The following AGPAT4 variants were observed in gnomAD, a reference collection of about 807,000 sequenced individuals.
AGPAT4 encodes 1-acylglycerol-3-phosphate O-acyltransferase 4.
AGPAT4 carries 15 observed loss-of-function variants against 48.0 expected under a neutral mutation model. That is an observed-to-expected ratio of 0.31 (90% CI 0.21 to 0.48). The LOEUF is 0.48. Among genes scored for constraint, AGPAT4 ranks in the 20% least tolerant of loss-of-function variants. The pLI is 0.99. For missense variants in AGPAT4, 314 were observed against 482.5 expected, an observed-to-expected ratio of 0.65 and a Z score of 3.27; for synonymous variants, 178 against 198.7, an observed-to-expected ratio of 0.90 and a Z score of 0.88.
intron 1 of AGPAT4, among the ~76,000 whole-genome samples, chr6:161,253,259 A>AT (rs1379304284): frequency 2.1e-5 from 3 of 141,178 alleles, no homozygotes; most frequent in African/African-American, 5.3e-5. Context: ...AACTTTTTTT[A>AT]ATTTTTTTTT....
At position 161,212,585 on chromosome 6, in the gene AGPAT4, T is replaced by C. The variant is rs1781548994; in HGVS notation, c.178+19451A>G. Among the ~76,000 whole-genome samples, 1 of 152,220 alleles carries C rather than the reference T, an allele frequency of 6.6e-6. No homozygotes were observed. The highest frequency in any genetic ancestry group is 1.5e-5 in the Non-Finnish European group (1 of 68,036). On this transcript the variant is annotated intron_variant, in intron 2 of 8. Coordinates refer to ENST00000320285, the MANE Select transcript of AGPAT4 (RefSeq NM_020133.3). This position sits in a 1 kb window ranked among gnomAD's most constrained non-coding sequence, Gnocchi z 6.1. ...TGTATAAATATGTTATTGGTATGTG[T>C]TCCAAAATCAGGGTAAACTCCTGTA...
intron 1 of AGPAT4, among the ~76,000 whole-genome samples, chr6:161,252,685 C>A (rs1247869599): frequency 2.0e-5 from 3 of 151,794 alleles, no homozygotes; most frequent in African/African-American, 7.3e-5. Flanking sequence ...TGGTGCACAT[C>A]TGTGGTCCCA....
chr6:161,148,747 T>TTG lies in AGPAT4; in HGVS notation c.767+439_767+440insCA, dbSNP rs1486755472. On this transcript the variant is annotated intron_variant, in intron 6 of 8. Transcript: ENST00000320285. This position sits in a 1 kb window ranked among gnomAD's most constrained non-coding sequence, Gnocchi z 5.5. ...GTTTGACTAATATGTTCTGGAAGTG[T>TTG]CTTCAATAAAATCATTAATAGCCTG... 6.6e-6 allele frequency among the ~76,000 whole-genome samples: 1 copy of TTG among 152,168 alleles called. No homozygotes were observed. Among genetic ancestry groups the TTG allele is most frequent in the Non-Finnish European group, 1.5e-5 (1 of 68,020 alleles).
chr6:161,190,913 G>A (rs1361922028), intron 2 of AGPAT4, among the ~76,000 whole-genome samples: 1 of 152,132 alleles, frequency 6.6e-6, no homozygotes, highest in Non-Finnish European at 1.5e-5. Flanking sequence ...TTTGTTCTTT[G>A]TTCCCAATAA....
intron 1 of AGPAT4, among the ~76,000 whole-genome samples, chr6:161,273,451 A>G (rs1783488897): frequency 6.6e-6 from 1 of 152,156 alleles, no homozygotes; most frequent in Non-Finnish European, 1.5e-5. Flanking sequence ...AAATAAATCA[A>G]TGTATATCGG....
Position 161,216,671 on chromosome 6 carries a change from C to A in AGPAT4, c.178+15365G>T, listed in dbSNP as rs925772615. Among the ~76,000 whole-genome samples, 5 of 152,212 alleles carry A rather than the reference C, an allele frequency of 3.3e-5. No homozygotes were observed. The highest frequency in any genetic ancestry group is 1.2e-4 in the African/African-American group (5 of 41,462). On this transcript the variant is annotated intron_variant, in intron 2 of 8. Transcript: ENST00000320285. The surrounding 1 kb of genome is among the most constrained non-coding windows in gnomAD (Gnocchi z 4.8). ...TAATTGGACTTACAGTTCCACATGGCTGAGGAGTTCTCACAATCATGGTGG... is the reference window on the plus strand; with the variant it reads ...TAATTGGACTTACAGTTCCACATGGATGAGGAGTTCTCACAATCATGGTGG...
chr6:161,201,794 T>C lies in AGPAT4; in HGVS notation c.178+30242A>G, dbSNP rs1334839403. ...TCTTAAGATACATTGGCTCTCTTCA[T>C]TCTCTAACCAGTGCAAGAGGAAGTC... On this transcript the variant is annotated intron_variant, in intron 2 of 8. Transcript: ENST00000320285. This position sits in a 1 kb window ranked among gnomAD's most constrained non-coding sequence, Gnocchi z 6.0. Among the ~76,000 whole-genome samples the C allele has an allele frequency of 6.6e-6, 1 of 152,216 alleles. No individual in the cohort carries two copies. The highest frequency in any genetic ancestry group is 1.5e-5 in the Non-Finnish European group (1 of 68,040).
At position 161,226,465 on chromosome 6, in the gene AGPAT4, C is replaced by T. The variant is rs964906379; in HGVS notation, c.178+5571G>A. On this transcript the variant is annotated intron_variant, in intron 2 of 8. Transcript: ENST00000320285. This position sits in a 1 kb window ranked among gnomAD's most constrained non-coding sequence, Gnocchi z 6.3. ...GGGTTGGAAAAGCCACAGCGACACT[C>T]TCTTTGGGGGATCAACAGCTTTCTT... 2.6e-5 allele frequency among the ~76,000 whole-genome samples: 4 copies of T among 152,216 alleles called. No individual in the cohort carries two copies. Among genetic ancestry groups the T allele is most frequent in the Non-Finnish European group, 5.9e-5 (4 of 68,032 alleles).
rs910309334 is a variant in AGPAT4, at chr6:161,208,266, A to T, written c.178+23770T>A. Reference sequence around the variant, plus strand: ...CACTGTTACTAAAAGTAAGCTACTCAGTATTCAGAGACTCTCTCCAGATGC... The same window carrying T: ...CACTGTTACTAAAAGTAAGCTACTCTGTATTCAGAGACTCTCTCCAGATGC... On this transcript the variant is annotated intron_variant, in intron 2 of 8. Coordinates refer to ENST00000320285, the MANE Select transcript of AGPAT4 (RefSeq NM_020133.3). This position sits in a 1 kb window ranked among gnomAD's most constrained non-coding sequence, Gnocchi z 4.6. Among the ~76,000 whole-genome samples the T allele has an allele frequency of 1.3e-5, 2 of 152,210 alleles. No individual in the cohort carries two copies. The highest frequency in any genetic ancestry group is 2.4e-5 in the African/African-American group (1 of 41,460).
At position 161,141,139 on chromosome 6, in the gene AGPAT4, C is replaced by G. The variant is rs1276348285; in HGVS notation, c.844-1519G>C. The stretch of plus-strand genomic sequence containing the variant: ...GGCACTTTTAATAATAGTCCACACA[C>G]TAGGCCATTTTGGAAGGAGAACCCC... On this transcript the variant is annotated intron_variant, in intron 7 of 8. Transcript: ENST00000320285. The surrounding 1 kb of genome is among the most constrained non-coding windows in gnomAD (Gnocchi z 6.7). Among the ~76,000 whole-genome samples the G allele has an allele frequency of 6.6e-6, 1 of 152,012 alleles. No individual in the cohort carries two copies. Among genetic ancestry groups the G allele is most frequent in the Non-Finnish European group, 1.5e-5 (1 of 68,016 alleles).
At position 161,131,164 on chromosome 6, in the gene AGPAT4, A is replaced by C. The variant is rs376091437; in HGVS notation, c.*5376T>G. The C allele has an allele frequency of 1.7e-5, 5 of 298,070 alleles. No individual in the cohort carries two copies. The highest frequency in any genetic ancestry group is 1.1e-4 in the African/African-American group (5 of 46,196). The allele number at this position is 298,070 out of a possible 1,614,324, so 18.5% of individuals were successfully genotyped here. ...AGACTGCCTTGTTTTAAAAAAACAA[A>C]TTAAATGTAAAAATTGTATGACTCT... On this transcript the variant is annotated 3_prime_UTR_variant, in exon 9 of 9. Coordinates refer to ENST00000320285, the MANE Select transcript of AGPAT4 (RefSeq NM_020133.3).
intron 5 of AGPAT4, 132 bp downstream of exon 5, chr6:161,153,214 A>T (rs1779641229): frequency 7.9e-7 from 1 of 1,269,390 alleles, no homozygotes; most frequent in African/African-American, 1.5e-5. Context: ...ACTGGACTTG[A>T]GCAGCCACTC....
rs1466093181 is a variant in AGPAT4, at chr6:161,138,293, T to A, written c.1042+1129A>T. Among the ~76,000 whole-genome samples the A allele has an allele frequency of 6.6e-6, 1 of 152,222 alleles. No homozygotes were observed. Among genetic ancestry groups the A allele is most frequent in the Non-Finnish European group, 1.5e-5 (1 of 68,042 alleles). On this transcript the variant is annotated intron_variant, in intron 8 of 8. Transcript: ENST00000320285. This position sits in a 1 kb window ranked among gnomAD's most constrained non-coding sequence, Gnocchi z 4.8. The stretch of plus-strand genomic sequence containing the variant: ...CATCTTAATCTTTCAAAAGACTGTA[T>A]AGTAGGGTCTATTTGAGGAACAGGA...
rs957008034 is a variant in AGPAT4 at position 161,266,913 on chromosome 6, C to T, written c.-90+7025G>A. 1.3e-5 allele frequency among the ~76,000 whole-genome samples: 2 copies of T among 152,232 alleles called. No individual in the cohort carries two copies. Among genetic ancestry groups the T allele is most frequent in the African/African-American group, 4.8e-5 (2 of 41,460 alleles). On this transcript the variant is annotated intron_variant, in intron 1 of 8. Transcript: ENST00000320285. This position sits in a 1 kb window ranked among gnomAD's most constrained non-coding sequence, Gnocchi z 6.2. ...ACCAAATTTCACTCCAGGATCAATT[C>T]AAGTCTCCCATTCTCATTTCAGAGT... is the stretch of plus-strand genomic sequence containing the variant.
rs544383671 is a variant in AGPAT4 at position 161,140,680 on chromosome 6, G to A, written c.844-1060C>T. Among the ~76,000 whole-genome samples the A allele has an allele frequency of 3.3e-5, 5 of 152,334 alleles. No homozygotes were observed. The highest frequency in any genetic ancestry group is 1.2e-4 in the African/African-American group (5 of 41,580). ...TGAGCCAGGACCTGGGGGGAACAAG[G>A]AGCTGTGGCACCAGGATGCCCGCTG... On this transcript the variant is annotated intron_variant, in intron 7 of 8. Coordinates refer to ENST00000320285, the MANE Select transcript of AGPAT4 (RefSeq NM_020133.3). This position sits in a 1 kb window ranked among gnomAD's most constrained non-coding sequence, Gnocchi z 6.5.
chr6:161,240,083 A>G lies in AGPAT4; in HGVS notation c.-89-7781T>C, dbSNP rs905062994. On this transcript the variant is annotated intron_variant, in intron 1 of 8. Transcript: ENST00000320285. The surrounding 1 kb of genome is among the most constrained non-coding windows in gnomAD (Gnocchi z 5.5). Reference sequence around the variant, plus strand: ...TGAAGTGTCACTAAAATAGGTTTGCAGTAAAATGGATACATTTTCATTATG... The same window carrying G: ...TGAAGTGTCACTAAAATAGGTTTGCGGTAAAATGGATACATTTTCATTATG... Among the ~76,000 whole-genome samples the G allele has an allele frequency of 6.6e-6, 1 of 152,196 alleles. No homozygotes were observed. The highest frequency in any genetic ancestry group is 2.4e-5 in the African/African-American group (1 of 41,446).
rs947453400 is a variant in AGPAT4, at chr6:161,225,661, C to T, written c.178+6375G>A. Among the ~76,000 whole-genome samples, 2 of 152,146 alleles carry T rather than the reference C, an allele frequency of 1.3e-5. No homozygotes were observed. The highest frequency in any genetic ancestry group is 2.9e-5 in the Non-Finnish European group (2 of 68,030). ...AGCAGAGGGATCTCGTGATGTGGAG[C>T]CGTCAGGGTGTGTGACTCCAGGTGA... On this transcript the variant is annotated intron_variant, in intron 2 of 8. Coordinates refer to ENST00000320285, the MANE Select transcript of AGPAT4 (RefSeq NM_020133.3). The surrounding 1 kb of genome is among the most constrained non-coding windows in gnomAD (Gnocchi z 5.0).
intron 2 of AGPAT4, among the ~76,000 whole-genome samples, chr6:161,167,629 G>C (rs1181014901): frequency 1.3e-5 from 2 of 152,118 alleles, no homozygotes; most frequent in Non-Finnish European, 1.5e-5. Context: ...ATTTGGCCTT[G>C]ACTCCAGTAA....
intron 2 of AGPAT4, among the ~76,000 whole-genome samples, chr6:161,188,381 T>C (rs1347256799): frequency 6.6e-6 from 1 of 152,196 alleles, no homozygotes; most frequent in African/African-American, 2.4e-5. Context: ...ATCAGACTTG[T>C]GATAAATTAG....
Sources: gnomAD v4.1 joint callset for allele counts (sites outside exome capture counted in the v4.1 genomes callset) on GRCh38, gnomAD v4.1.1 for gene constraint, Gnocchi (gnomAD v3.1) non-coding constraint, MANE v1.5 for transcripts, NCBI Gene and HGNC (gene_info 2026-07-23, HGNC 2026-07-21) for gene names.